The following ABCB5 variants were observed in gnomAD, a reference collection of about 807,000 sequenced individuals.
ABCB5 encodes the protein ATP-binding cassette sub-family B member 5.
A neutral mutation model predicts 144.2 loss-of-function variants in ABCB5; 155 were observed. The ratio of observed to expected loss-of-function variants is 1.08; its 90% CI spans 0.94 to 1.23. The LOEUF (loss-of-function observed/expected upper bound fraction) is 1.23. Ranked by LOEUF, ABCB5 falls within the 50% of genes most tolerant of loss-of-function variation. The probability of loss-of-function intolerance (pLI) is 0.00; values close to 1 mark genes in which losing one functional copy is unlikely to be tolerated. For missense variants in ABCB5, 1,830 were observed against 1,520.8 expected (o/e 1.20, Z -3.38); for synonymous variants, 610 against 528.6 (o/e 1.15, Z -2.11).
chr7:20,632,943 A>G (rs1784070321), intron 5 of ABCB5, among the ~76,000 whole-genome samples: 1 of 151,850 alleles, frequency 6.6e-6, no homozygotes, highest in African/African-American at 2.4e-5. Context: ...GCGCACCAGC[A>G]TGGCACATGT....
At chr7:20,634,461 G>A (rs1225622638) in intron 5 of ABCB5, among the ~76,000 whole-genome samples, 1 of 151,938 alleles carries the variant, frequency 6.6e-6, no homozygotes, top group Non-Finnish European at 1.5e-5. Flanking sequence ...TTAGTTCTTT[G>A]AGAAATCTCT....
intron 19 of ABCB5, among the ~76,000 whole-genome samples, chr7:20,701,040 G>C (rs532288495): frequency 1.3e-5 from 2 of 152,278 alleles, no homozygotes; most frequent in South Asian, 4.1e-4. Context: ...GCAAGTCGGA[G>C]GTTTCCCACG....
chr7:20,677,657 A>T (rs1943421479), intron 14 of ABCB5, among the ~76,000 whole-genome samples: 1 of 152,148 alleles, frequency 6.6e-6, no homozygotes, highest in Non-Finnish European at 1.5e-5. Context: ...TGAACCCGGG[A>T]GGTGGAGGTT....
At chr7:20,742,633 G>A (rs1782596696) in intron 24 of ABCB5, among the ~76,000 whole-genome samples, 1 of 152,220 alleles carries the variant, frequency 6.6e-6, no homozygotes, top group Non-Finnish European at 1.5e-5. Flanking sequence ...AAGGAAGCAA[G>A]TGGTTTTTAG....
At chr7:20,660,498 T>C in intron 14 of ABCB5, 1 of 793,772 alleles carries the variant, frequency 1.3e-6, no homozygotes, top group Non-Finnish European at 1.5e-6. Context: ...CTCTTCAGTT[T>C]ATTGGAAAAT....
chr7:20,712,218 A>AT (rs76186634), intron 20 of ABCB5, among the ~76,000 whole-genome samples: 135,799 of 138,218 alleles, frequency 0.98, 66,699 homozygotes, highest in East Asian at 1. Context: ...TTCTCGTTTG[A>AT]TTTTTTCAAC....
chr7:20,657,266 A>G (rs1784838023), intron 13 of ABCB5, among the ~76,000 whole-genome samples: 1 of 152,156 alleles, frequency 6.6e-6, no homozygotes, highest in Non-Finnish European at 1.5e-5. Context: ...TTAAATTTGA[A>G]TTTCAGATAA....
At chr7:20,702,353 A>G (rs1786656836) in intron 19 of ABCB5, among the ~76,000 whole-genome samples, 1 of 152,166 alleles carries the variant, frequency 6.6e-6, no homozygotes, top group Non-Finnish European at 1.5e-5. Context: ...GATAGCATTG[A>G]TGGTGATCAC....
chr7:20,646,128 C>T lies in ABCB5; in HGVS notation c.971C>T (p.Thr324Ile), dbSNP rs1784403159. The T allele has an allele frequency of 1.9e-6, 3 of 1,611,206 alleles. 1 individual carries two copies. The South Asian group carries it at 3.3e-5, about 18-fold the overall frequency. Residue 324 changes from threonine to isoleucine, a missense_variant, in exon 9 of 28, where the codon ACT becomes ATT. Transcript: ENST00000404938. Reference protein sequence around the residue: ...LNGEPGYTIGTVLAVFFSVIH... With the variant: ...LNGEPGYTIGIVLAVFFSVIH... ...GGAGAACCTGGATATACCATCGGGA[C>T]TGTTCTTGCTGTAAGTCTTGTTTGA...
At chr7:20,679,489 G>A (rs866420998) in intron 14 of ABCB5, among the ~76,000 whole-genome samples, 522 of 47,390 alleles carry the variant, frequency 0.011, no homozygotes, top group Middle Eastern at 0.036. Flanking sequence ...AAAAAAAAGA[G>A]AGAGAGAGAG....
At chr7:20,750,444 T>C (rs1427787291) in intron 26 of ABCB5, among the ~76,000 whole-genome samples, 1 of 148,432 alleles carries the variant, frequency 6.7e-6, no homozygotes. Context: ...CACACACAAA[T>C]TGTGTATGTT....
chr7:20,707,567 A>G (rs1786860551), intron 20 of ABCB5, among the ~76,000 whole-genome samples: 1 of 152,200 alleles, frequency 6.6e-6, no homozygotes, highest in Non-Finnish European at 1.5e-5. Context: ...CTTTTCATCA[A>G]CCAAAAGTCT....
intron 5 of ABCB5, among the ~76,000 whole-genome samples, chr7:20,635,274 A>T (rs1050087085): frequency 6.6e-6 from 1 of 151,858 alleles, no homozygotes; most frequent in Non-Finnish European, 1.5e-5. Flanking sequence ...GTCTATTATT[A>T]TACCAGTACC....
chr7:20,715,403 A>ATG (rs889566647), intron 20 of ABCB5, among the ~76,000 whole-genome samples: 19 of 151,592 alleles, frequency 1.3e-4, no homozygotes, highest in African/African-American at 4.1e-4. Flanking sequence ...TGCGTGGTGT[A>ATG]TGTGTGTGTG....
intron 23 of ABCB5, among the ~76,000 whole-genome samples, chr7:20,733,069 A>G (rs1043666701): frequency 6.6e-6 from 1 of 152,214 alleles, no homozygotes; most frequent in African/African-American, 2.4e-5. Context: ...GATGAGAACA[A>G]TTAAGACTCA....
In ABCB5 at chr7:20,681,014, CTT is replaced by C. The variant is rs1314143032; in HGVS notation, c.1708-489_1708-488del. On this transcript the variant is annotated intron_variant, in intron 14 of 27. Transcript: ENST00000404938. ...TCTTTCTTTCTTTCTTTCTTTCTTT[CTT>C]TCTTTCTTTCTTTCTTTCTCTTTCT... 7.3e-3 allele frequency among the ~76,000 whole-genome samples: 106 copies of C among 14,588 alleles called. 7 individuals are homozygous for C. In the East Asian group the frequency reaches 0.1, roughly 14 times the overall value. 9.6% of individuals were successfully genotyped at this position (14,588 alleles called of 152,430 possible). A position where few individuals can be genotyped will look rare whatever the true frequency, so the allele number is the denominator to read the frequency against.
At chr7:20,745,887 A>G (rs1218267341) in intron 26 of ABCB5, among the ~76,000 whole-genome samples, 1 of 152,190 alleles carries the variant, frequency 6.6e-6, no homozygotes, top group African/African-American at 2.4e-5. Flanking sequence ...AATAAAGCCC[A>G]CACACCCCAT....
chr7:20,682,410 C>G (rs1045068755), intron 15 of ABCB5, among the ~76,000 whole-genome samples: 3 of 152,034 alleles, frequency 2.0e-5, no homozygotes, highest in African/African-American at 7.2e-5. Flanking sequence ...CTATATTACC[C>G]ACAAAAGGCT....
intron 4 of ABCB5, among the ~76,000 whole-genome samples, chr7:20,630,746 G>C (rs1374969315): frequency 6.6e-6 from 1 of 152,142 alleles, no homozygotes; most frequent in African/African-American, 2.4e-5. Context: ...AAGGCCATCT[G>C]CTTGGGCGTA....
Sources: allele counts gnomAD v4.1 joint callset (sites outside exome capture counted in the v4.1 genomes callset), GRCh38; gene constraint gnomAD v4.1.1; transcripts MANE v1.5; gene names NCBI Gene and HGNC (gene_info 2026-07-23, HGNC 2026-07-21).